DCLK1: variants seen among roughly 807,000 people sequenced by gnomAD.
DCLK1 encodes the protein serine/threonine-protein kinase DCLK1.
A neutral mutation model predicts 86.2 loss-of-function variants in DCLK1; 16 were observed. The observed-to-expected ratio is 0.19, with a 90% CI of 0.13 to 0.28. DCLK1 has a LOEUF of 0.28. Among genes scored for constraint, DCLK1 ranks in the 10% least tolerant of loss-of-function variants. The pLI is 1.00. For synonymous variants in DCLK1, 369 were observed against 370.5 expected, an observed-to-expected ratio of 1.00 and a Z score of 0.05; for missense variants, 590 against 940.2, an observed-to-expected ratio of 0.63 and a Z score of 4.87.
chr13:35,789,627 T>C (rs12583061), intron 16 of DCLK1, among the ~76,000 whole-genome samples: 2 of 152,214 alleles, frequency 1.3e-5, no homozygotes, highest in South Asian at 2.1e-4. Flanking sequence ...AAACGCTCTA[T>C]TTGCATGAGC....
At chr13:35,814,368 A>T (rs945276433) in intron 11 of DCLK1, among the ~76,000 whole-genome samples, 3 of 152,232 alleles carry the variant, frequency 2.0e-5, no homozygotes, top group Non-Finnish European at 4.4e-5. Context: ...ATTAAAAGTT[A>T]GAAATCAGAA....
chr13:35,835,465 G>A (rs937112841), intron 8 of DCLK1, among the ~76,000 whole-genome samples: 18 of 152,258 alleles, frequency 1.2e-4, no homozygotes, highest in African/African-American at 1.9e-4. Flanking sequence ...TCACTTTTCC[G>A]TCTAGTAGCC....
chr13:35,828,407 A>G (rs1868661866), intron 8 of DCLK1, 100 bp from the exon 9 acceptor site: 8 of 907,022 alleles, frequency 8.8e-6, no homozygotes, highest in Non-Finnish European at 1.3e-5. Context: ...ATCTTGCATC[A>G]TGTTGTAAAT....
intron 3 of DCLK1, among the ~76,000 whole-genome samples, chr13:36,078,829 A>C (rs535456207): frequency 3.9e-5 from 6 of 152,328 alleles, no homozygotes; most frequent in African/African-American, 1.4e-4. Flanking sequence ...ATCATTTCCT[A>C]CAAAAAAAAT....
chr13:35,927,815 A>G (rs985978389), intron 4 of DCLK1, among the ~76,000 whole-genome samples: 1 of 152,174 alleles, frequency 6.6e-6, no homozygotes, highest in Non-Finnish European at 1.5e-5. Flanking sequence ...CTGGAGACTC[A>G]GTTCCAATCA....
At chr13:35,841,688 C>T (rs547197616) in intron 6 of DCLK1, among the ~76,000 whole-genome samples, 4 of 152,080 alleles carry the variant, frequency 2.6e-5, no homozygotes, top group Non-Finnish European at 5.9e-5. Context: ...AAGAGAAAAA[C>T]GTACTTACGG....
At chr13:36,106,171 A>G (rs940720748) in intron 3 of DCLK1, among the ~76,000 whole-genome samples, 5 of 152,122 alleles carry the variant, frequency 3.3e-5, no homozygotes, top group Non-Finnish European at 5.9e-5. Context: ...GCAGGTACCC[A>G]TAATTGATCA....
At chr13:36,050,736 C>A (rs564113724) in intron 3 of DCLK1, among the ~76,000 whole-genome samples, 5 of 152,258 alleles carry the variant, frequency 3.3e-5, no homozygotes, top group African/African-American at 1.2e-4. Context: ...CTAGTGCACA[C>A]CATCTCCACC....
At chr13:35,885,307 C>T (rs570673968) in intron 4 of DCLK1, among the ~76,000 whole-genome samples, 5 of 146,918 alleles carry the variant, frequency 3.4e-5, no homozygotes, top group East Asian at 3.9e-4. Context: ...TTAGGGACAA[C>T]AAAAAAAAAA....
rs921761409 is a variant in DCLK1, at chr13:35,851,414, T to C, written c.1035+3085A>G. 4.6e-5 allele frequency among the ~76,000 whole-genome samples: 7 copies of C among 151,818 alleles called. 1 individual carries two copies. Among genetic ancestry groups the C allele is most frequent in the Admixed American group, 1.3e-4 (2 of 15,248 alleles). On this transcript the variant is annotated intron_variant, in intron 6 of 16. Transcript: ENST00000360631. Reference sequence around the variant, plus strand: ...CCCCTTCCTGCTACTAGATCTCGGTTGGTAGCCAGGCAACCAGCTCAGATC... The same window carrying C: ...CCCCTTCCTGCTACTAGATCTCGGTCGGTAGCCAGGCAACCAGCTCAGATC...
chr13:35,808,581 A>T (rs143691375), intron 13 of DCLK1, among the ~76,000 whole-genome samples: 1 of 152,278 alleles, frequency 6.6e-6, no homozygotes, highest in African/African-American at 2.4e-5. Flanking sequence ...TCAGGAGTTC[A>T]ATACCAGCTT....
intron 4 of DCLK1, among the ~76,000 whole-genome samples, chr13:35,873,166 TG>T (rs907960223): frequency 6.6e-6 from 1 of 151,786 alleles, no homozygotes; most frequent in Non-Finnish European, 1.5e-5. Flanking sequence ...GGTATGGTGG[TG>T]GGCGCCAGTA....
intron 3 of DCLK1, among the ~76,000 whole-genome samples, chr13:36,078,958 G>A (rs1884317093): frequency 6.6e-6 from 1 of 152,090 alleles, no homozygotes; most frequent in South Asian, 2.1e-4. Flanking sequence ...CGAGGGGGAT[G>A]GTGGACAGAT....
chr13:35,989,484 C>A (rs934454635), intron 3 of DCLK1, among the ~76,000 whole-genome samples: 2 of 152,092 alleles, frequency 1.3e-5, no homozygotes, highest in Admixed American at 6.5e-5. Flanking sequence ...GTTGGCCAGG[C>A]TGATCTTGAA....
intron 3 of DCLK1, among the ~76,000 whole-genome samples, chr13:35,958,834 G>A (rs1878291875): frequency 6.6e-6 from 1 of 152,184 alleles, no homozygotes; most frequent in Non-Finnish European, 1.5e-5. Context: ...CAAAATATTG[G>A]AGAAAGATGC....
intron 16 of DCLK1, 104 bp downstream of exon 16, chr13:35,793,262 A>C (rs1217624823): frequency 8.8e-6 from 7 of 794,924 alleles, no homozygotes; most frequent in Middle Eastern, 4.7e-4. Context: ...GTCTAAAGAA[A>C]TGACCCATTC....
intron 3 of DCLK1, among the ~76,000 whole-genome samples, chr13:35,987,300 C>T (rs1251760219): frequency 1.3e-5 from 2 of 152,160 alleles, no homozygotes; most frequent in Non-Finnish European, 2.9e-5. Context: ...TGGTGCACAC[C>T]TGTAATCCCA....
At chr13:35,980,974 A>C (rs560661495) in intron 3 of DCLK1, among the ~76,000 whole-genome samples, 175 of 152,272 alleles carry the variant, frequency 1.1e-3, no homozygotes, top group African/African-American at 4.1e-3. Context: ...CTGAATATGA[A>C]GACACAAATA....
intron 16 of DCLK1, among the ~76,000 whole-genome samples, chr13:35,778,144 A>T (rs1366817309): frequency 6.6e-6 from 1 of 152,206 alleles, no homozygotes; most frequent in Non-Finnish European, 1.5e-5. Context: ...GAGAAAGTAC[A>T]ATAGAGGTGA....
Sources: gnomAD v4.1 joint callset for allele counts (sites outside exome capture counted in the v4.1 genomes callset) on GRCh38, gnomAD v4.1.1 for gene constraint, MANE v1.5 for transcripts, NCBI Gene and HGNC (gene_info 2026-07-23, HGNC 2026-07-21) for gene names.